CCNB3: variants seen among roughly 807,000 people sequenced by gnomAD.
The protein encoded by CCNB3 is G2/mitotic-specific cyclin-B3.
A neutral mutation model predicts 68.0 loss-of-function variants in CCNB3; 12 were observed. That is an observed-to-expected ratio of 0.18 (90% CI 0.11 to 0.29). The LOEUF (loss-of-function observed/expected upper bound fraction) is 0.29. Among genes scored for constraint, CCNB3 ranks in the 10% least tolerant of loss-of-function variants. The pLI is 1.00. For synonymous variants in CCNB3, 354 were observed against 388.9 expected, an observed-to-expected ratio of 0.91 and a Z score of 1.06; for missense variants, 904 against 993.1, an observed-to-expected ratio of 0.91 and a Z score of 1.21.
chrX:50,287,957 C>A (rs1411861235), intron 3 of CCNB3, among the ~76,000 whole-genome samples: 2 of 108,784 alleles, frequency 1.8e-5, no homozygotes, highest in African/African-American at 6.7e-5. Flanking sequence ...GAAGCATGAA[C>A]CCTATTGTGA....
intron 5 of CCNB3, among the ~76,000 whole-genome samples, chrX:50,304,108 C>T (rs1437738696): frequency 9.0e-6 from 1 of 111,345 alleles, no homozygotes; most frequent in Non-Finnish European, 1.9e-5. Context: ...ATTGTCTTGG[C>T]ACCCTTCTTG....
intron 1 of CCNB3, among the ~76,000 whole-genome samples, chrX:50,279,202 T>A: frequency 5.5e-4 from 1 of 1,829 alleles, no homozygotes; most frequent in South Asian, 0.1. Context: ...TATATATAAA[T>A]ATATAGAGTA....
intron 1 of CCNB3, among the ~76,000 whole-genome samples, chrX:50,211,682 A>G (rs1935485553): frequency 9.0e-6 from 1 of 111,359 alleles, no homozygotes; most frequent in South Asian, 3.9e-4. Flanking sequence ...TCAAGTCAGG[A>G]TGATGAATCG....
chrX:50,288,859 A>G lies in CCNB3; in HGVS notation c.176A>G (p.Lys59Arg). 1 of 1,197,199 alleles carries G rather than the reference A, an allele frequency of 8.4e-7. No individual in the cohort carries two copies. The highest frequency in any genetic ancestry group is 1.1e-6 in the Non-Finnish European group (1 of 883,196). ...TCTTCACTTCAGGGAGCACTCAAAA[A>G]GAGATCAGCTTTTGAAGATCTCACT... Reference protein sequence around the residue: ...SPSSLQGALKKRSAFEDLTNA... With the variant: ...SPSSLQGALKRRSAFEDLTNA... The change falls in exon 4 of 13, where the codon AAG becomes AGG. Residue 59 changes from lysine (K) to arginine (R), a missense_variant. By Grantham distance (26) the Lys-to-Arg change is conservative. This residue lies in a region of CCNB3 where 619 missense variants were observed against 609.8 expected (regional missense o/e 1.02). Transcript: ENST00000376042.
chrX:50,226,901 T>A (rs1450103686), intron 1 of CCNB3, among the ~76,000 whole-genome samples: 9 of 73,523 alleles, frequency 1.2e-4, no homozygotes, highest in Non-Finnish European at 2.1e-4. Flanking sequence ...AGTATATATA[T>A]AGAATATATA....
At chrX:50,314,157 A>C in intron 8 of CCNB3, among the ~76,000 whole-genome samples, 1 of 112,684 alleles carries the variant, frequency 8.9e-6, no homozygotes, top group Non-Finnish European at 1.9e-5. Context: ...TGCTCTAAGA[A>C]TGTTTCAAAT....
intron 8 of CCNB3, among the ~76,000 whole-genome samples, chrX:50,335,627 C>G (rs1405134200): frequency 8.9e-6 from 1 of 111,975 alleles, no homozygotes; most frequent in Non-Finnish European, 1.9e-5. Context: ...AGTACAGGGT[C>G]TTGGTTGACC....
rs200676936 is a variant in CCNB3 at position 50,310,057 on chromosome X, A to G, written c.1888A>G (p.Thr630Ala). ...GTTGCCCTTTAAGATGAAATCTACA[A>G]CGGAAGAAAAGTTCCTCTCCCAGGA... is the stretch of plus-strand genomic sequence containing the variant. The part of the protein sequence containing the change: ...KLLPFKMKST[T>A]EEKFLSQEPS... The change falls in exon 6 of 13, where the codon ACG (threonine) becomes GCG (alanine). Residue 630 changes from threonine to alanine, a missense_variant. Coordinates refer to ENST00000376042, the MANE Select transcript of CCNB3 (RefSeq NM_033031.3). 8.3e-7 allele frequency: 1 copy of G among 1,208,198 alleles called. No individual in the cohort carries two copies. Among genetic ancestry groups the G allele is most frequent in the Admixed American group, 2.2e-5 (1 of 45,735 alleles).
chrX:50,311,939 G>A (rs782174796), intron 6 of CCNB3, among the ~76,000 whole-genome samples: 8 of 110,494 alleles, frequency 7.2e-5, no homozygotes, highest in African/African-American at 2.6e-4. Context: ...CTTGGGCTTT[G>A]CAATAGTGGC....
chrX:50,227,332 A>G (rs1935888272), intron 1 of CCNB3, among the ~76,000 whole-genome samples: 1 of 79,128 alleles, frequency 1.3e-5, no homozygotes, highest in African/African-American at 4.8e-5. Context: ...ATATATAAAT[A>G]TACACACAGA....
At chrX:50,210,615 T>C (rs1167533945) in intron 1 of CCNB3, among the ~76,000 whole-genome samples, 1 of 111,461 alleles carries the variant, frequency 9.0e-6, no homozygotes, top group Admixed American at 9.6e-5. Flanking sequence ...TATATTCATT[T>C]ACTTAGCGAA....
At chrX:50,203,440 A>G (rs782511776), upstream of CCNB3, among the ~76,000 whole-genome samples, 11 of 112,422 alleles carry the variant, frequency 9.8e-5, no homozygotes, top group Non-Finnish European at 1.7e-4. Flanking sequence ...GAAAATGGGC[A>G]GTGATGCCAA....
intron 3 of CCNB3, among the ~76,000 whole-genome samples, chrX:50,286,488 C>T (rs1277786637): frequency 1.8e-5 from 2 of 110,217 alleles, no homozygotes; most frequent in African/African-American, 3.3e-5. Flanking sequence ...TTAGTAGAGA[C>T]GGGGTTTCAC....
intron 1 of CCNB3, among the ~76,000 whole-genome samples, chrX:50,228,626 A>G (rs1372051636): frequency 1.2e-5 from 1 of 83,646 alleles, no homozygotes; most frequent in Non-Finnish European, 2.2e-5. Flanking sequence ...GAATATATAT[A>G]GAATATACAT....
Position 50,310,908 on chromosome X carries a change from A to G in CCNB3, c.2739A>G (p.Pro913=). The G allele has an allele frequency of 1.7e-6, 2 of 1,212,078 alleles. No homozygotes were observed. The highest frequency in any genetic ancestry group is 2.2e-6 in the Non-Finnish European group (2 of 895,556). Residue 913 remains proline, a synonymous_variant, in exon 6 of 13, where the codon CCA becomes CCG. Transcript: ENST00000376042. The part of the protein sequence containing the change: ...SIKKETLLKK[P]LALKMSTINE... ...AGAAAGAGACCCTCCTCAAAAAGCC[A>G]TTAGCCTTGAAGATGTCTACCATCA...
intron 1 of CCNB3, among the ~76,000 whole-genome samples, chrX:50,225,863 T>G (rs905890638): frequency 9.6e-6 from 1 of 104,300 alleles, no homozygotes; most frequent in Admixed American, 1.1e-4. Flanking sequence ...AGATGTGGAG[T>G]AGTAATTTGG....
chrX:50,208,956 G>A (rs1286245363), intron 1 of CCNB3, among the ~76,000 whole-genome samples: 2 of 111,857 alleles, frequency 1.8e-5, no homozygotes, highest in Non-Finnish European at 3.8e-5. Context: ...CCTATTGGGT[G>A]TGTTGTGGCA....
At chrX:50,228,146 T>A (rs946070204) in intron 1 of CCNB3, among the ~76,000 whole-genome samples, 1 of 91,023 alleles carries the variant, frequency 1.1e-5, no homozygotes, top group African/African-American at 4.0e-5. Flanking sequence ...ATAATATATA[T>A]ATAAATATCT....
intron 1 of CCNB3, among the ~76,000 whole-genome samples, chrX:50,213,615 A>T (rs1935517201): frequency 8.9e-6 from 1 of 111,749 alleles, no homozygotes; most frequent in East Asian, 2.8e-4. Context: ...TTGTTTAATT[A>T]TCCAGTGAAA....
Sources: allele counts gnomAD v4.1 joint callset (sites outside exome capture counted in the v4.1 genomes callset), GRCh38; gene constraint gnomAD v4.1.1; regional missense constraint gnomAD v4.1.1; transcripts MANE v1.5; gene names NCBI Gene and HGNC (gene_info 2026-07-23, HGNC 2026-07-21).